TFCP2: variants seen among roughly 807,000 people sequenced by gnomAD.
The protein encoded by TFCP2 is alpha-globin transcription factor CP2.
A neutral mutation model predicts 73.4 loss-of-function variants in TFCP2; 33 were observed. That is an observed-to-expected ratio of 0.45 (90% confidence interval 0.34 to 0.60). TFCP2 has a LOEUF of 0.60. Ranked by LOEUF, TFCP2 falls within the 20% of genes least tolerant of loss-of-function variation. TFCP2 has a pLI of 0.01. For synonymous variants in TFCP2, 193 were observed against 211.6 expected, an observed-to-expected ratio of 0.91 and a Z score of 0.76; for missense variants, 352 against 604.0, an observed-to-expected ratio of 0.58 and a Z score of 4.37.
rs148309963 is a variant in TFCP2, at chr12:51,125,416, C to T, written c.123-6644G>A. The T allele has an allele frequency of 1.8e-4, 76 of 425,946 alleles. No homozygotes were observed. In the East Asian group the frequency reaches 4.9e-3, roughly 27 times the overall value. The allele number at this position is 425,946 out of a possible 1,614,324, so 26.4% of individuals were successfully genotyped here. A position where few individuals can be genotyped will look rare whatever the true frequency, so the allele number is the denominator to read the frequency against. ...AACACTTTGGCTGCCATGTTTTCTT[C>T]TGTGGGACCCTCTCACACCTGCTTC... On this transcript the variant is annotated intron_variant, in intron 1 of 14. Transcript: ENST00000257915.
chr12:51,167,342 T>C (rs1003041149), intron 1 of TFCP2, among the ~76,000 whole-genome samples: 1 of 152,024 alleles, frequency 6.6e-6, no homozygotes, highest in African/African-American at 2.4e-5. Context: ...TAAAACAAAT[T>C]GCTTGTCAAA....
At chr12:51,101,496 T>C (rs1201994505) in intron 11 of TFCP2, among the ~76,000 whole-genome samples, 1 of 152,140 alleles carries the variant, frequency 6.6e-6, no homozygotes, top group African/African-American at 2.4e-5. Flanking sequence ...TTCCTGACCA[T>C]ATTCTGGGCA....
chr12:51,160,414 C>T (rs1042173372), intron 1 of TFCP2, among the ~76,000 whole-genome samples: 3 of 151,696 alleles, frequency 2.0e-5, no homozygotes, highest in African/African-American at 4.8e-5. Context: ...GGATTATAGG[C>T]GTGAGCCACC....
intron 1 of TFCP2, among the ~76,000 whole-genome samples, chr12:51,135,442 A>AC: frequency 6.6e-6 from 1 of 151,690 alleles, no homozygotes; most frequent in Non-Finnish European, 1.5e-5. Flanking sequence ...CACACAAAAA[A>AC]AACAACTACG....
intron 10 of TFCP2, 47 bp downstream of exon 10, chr12:51,103,623 A>G (rs1940161086): frequency 6.5e-7 from 1 of 1,533,368 alleles, no homozygotes; most frequent in Non-Finnish European, 9.0e-7. Context: ...CTAGAATGCA[A>G]AGGAAAATTT....
At chr12:51,103,888 T>C (rs1366291511) in intron 9 of TFCP2, 125 bp from the exon 10 acceptor site, 6 of 808,500 alleles carry the variant, frequency 7.4e-6, no homozygotes, top group Non-Finnish European at 1.2e-5. Flanking sequence ...TTGTTTTCTC[T>C]TTCTCCAACC....
At chr12:51,139,774 T>C (rs3890212) in intron 1 of TFCP2, among the ~76,000 whole-genome samples, 25,567 of 145,712 alleles carry the variant, frequency 0.18, 2,397 homozygotes, top group South Asian at 0.27. Flanking sequence ...CTCAACTCAA[T>C]TGCTATGATT....
intron 3 of TFCP2, among the ~76,000 whole-genome samples, chr12:51,117,029 C>T (rs1267250124): frequency 3.9e-5 from 6 of 152,164 alleles, no homozygotes; most frequent in Non-Finnish European, 2.9e-5. Flanking sequence ...CGTTTCTGCA[C>T]ACCTCTTCTG....
intron 11 of TFCP2, among the ~76,000 whole-genome samples, chr12:51,101,509 C>A (rs6580788): frequency 0.43 from 65,869 of 151,798 alleles, 16,026 homozygotes; most frequent in Non-Finnish European, 0.56. Context: ...TCTGGGCACC[C>A]TATAGCCCAC....
chr12:51,168,385 G>A (rs952627537), intron 1 of TFCP2, among the ~76,000 whole-genome samples: 7 of 152,102 alleles, frequency 4.6e-5, no homozygotes, highest in African/African-American at 1.7e-4. Flanking sequence ...CAGCCTTGGC[G>A]ACAAAGCAAG....
At chr12:51,118,878 C>T (rs1940594864) in intron 1 of TFCP2, 106 bp from the exon 2 acceptor site, 15 of 1,312,252 alleles carry the variant, frequency 1.1e-5, no homozygotes, top group Non-Finnish European at 1.6e-5. Flanking sequence ...AAACATTACT[C>T]ACCTTGGTGG....
intron 8 of TFCP2, 94 bp from the exon 9 acceptor site, chr12:51,104,297 G>A (rs1328838843): frequency 2.8e-6 from 3 of 1,088,056 alleles, no homozygotes; most frequent in African/African-American, 3.2e-5. Flanking sequence ...TCATGCTAGA[G>A]ATTAAAAAAA....
At chr12:51,141,011 A>G (rs2137015582) in intron 1 of TFCP2, among the ~76,000 whole-genome samples, 1 of 152,120 alleles carries the variant, frequency 6.6e-6, no homozygotes, top group East Asian at 1.9e-4. Flanking sequence ...CGCTGAGATC[A>G]CACCACTGGA....
At chr12:51,105,938 G>A (rs1421659656) in intron 8 of TFCP2, among the ~76,000 whole-genome samples, 4 of 152,098 alleles carry the variant, frequency 2.6e-5, no homozygotes, top group African/African-American at 9.7e-5. Flanking sequence ...TTTTAAAATT[G>A]GAGTAGGCAT....
intron 1 of TFCP2, among the ~76,000 whole-genome samples, chr12:51,167,843 T>C (rs535998341): frequency 6.6e-6 from 1 of 152,150 alleles, no homozygotes; most frequent in Non-Finnish European, 1.5e-5. Flanking sequence ...GGAGGATCTC[T>C]TAAGGTCGGG....
At chr12:51,159,781 A>G (rs1941611873) in intron 1 of TFCP2, among the ~76,000 whole-genome samples, 1 of 152,084 alleles carries the variant, frequency 6.6e-6, no homozygotes, top group Non-Finnish European at 1.5e-5. Context: ...CACTTGATCC[A>G]GATTCCTCAT....
chr12:51,136,796 C>T (rs1437209011), intron 1 of TFCP2, among the ~76,000 whole-genome samples: 7 of 152,060 alleles, frequency 4.6e-5, no homozygotes, highest in Admixed American at 2.0e-4. Context: ...AATAATTAGC[C>T]GGCATGGTGG....
At chr12:51,095,961 TAGAGAA>T (rs1196240819) in intron 14 of TFCP2, 22 bp downstream of exon 14, 2 of 1,603,626 alleles carry the variant, frequency 1.2e-6, no homozygotes, top group African/African-American at 2.7e-5. Flanking sequence ...TTAAACTGCT[TAGAGAA>T]AGATGTTTGT....
chr12:51,148,136 T>C (rs1372326281), intron 1 of TFCP2, among the ~76,000 whole-genome samples: 2 of 151,744 alleles, frequency 1.3e-5, no homozygotes, highest in Non-Finnish European at 2.9e-5. Flanking sequence ...TAAAAAAAAA[T>C]AGATGTTGGC....
Sources: gnomAD v4.1 joint callset for allele counts (sites outside exome capture counted in the v4.1 genomes callset) on GRCh38, gnomAD v4.1.1 for gene constraint, MANE v1.5 for transcripts, NCBI Gene and HGNC (gene_info 2026-07-23, HGNC 2026-07-21) for gene names.